The following SMG1 variants were observed in gnomAD, a reference collection of about 807,000 sequenced individuals.
SMG1 encodes the protein SMG1 nonsense mediated mRNA decay associated PI3K related kinase.
In SMG1, 22 loss-of-function variants were observed where a neutral mutation model predicts 419.9. That is an observed-to-expected ratio of 0.05 (90% confidence interval 0.04 to 0.07). The LOEUF (loss-of-function observed/expected upper bound fraction) is 0.07, where lower values mean the gene tolerates loss of function less well. Among genes scored for constraint, SMG1 ranks in the 10% least tolerant of loss-of-function variants. SMG1 has a pLI of 1.00. For synonymous variants in SMG1, 1,538 were observed against 1,553.5 expected (o/e 0.99, Z 0.23); for missense variants, 3,185 against 4,342.0 (o/e 0.73, Z 7.49).
intron 49 of SMG1, 76 bp downstream of exon 49, chr16:18,834,816 A>G (rs1486063414): frequency 1.4e-6 from 2 of 1,475,350 alleles, no homozygotes. Context: ...AGACTAAGGA[A>G]AGTAAAAGAA....
chr16:18,837,443 C>T lies in SMG1; in HGVS notation c.7414G>A (p.Val2472Met). The change falls in exon 46 of 63, where the codon GTG becomes ATG. Residue 2472 changes from valine (V) to methionine (M), a missense_variant and splice_region_variant. Coordinates refer to ENST00000446231, the MANE Select transcript of SMG1 (RefSeq NM_015092.5). ...LFSSRVAEIKVNWFKNRDEML... is the reference protein window; with the variant it reads ...LFSSRVAEIKMNWFKNRDEML... ...TCATCTCTATTCTTAAACCAGTTCACCTGTAAAAAGATATTACGATTAAGA... is the reference window on the plus strand; with the variant it reads ...TCATCTCTATTCTTAAACCAGTTCATCTGTAAAAAGATATTACGATTAAGA... 6.2e-7 allele frequency: 1 copy of T among 1,610,158 alleles called. No individual in the cohort carries two copies. Among genetic ancestry groups the T allele is most frequent in the Non-Finnish European group, 8.5e-7 (1 of 1,178,084 alleles).
At chr16:18,876,647 A>C (rs1423632084) in intron 12 of SMG1, among the ~76,000 whole-genome samples, 1 of 137,448 alleles carries the variant, frequency 7.3e-6, no homozygotes, top group Non-Finnish European at 1.5e-5. Context: ...TGTCAATATG[A>C]AATTTCCGAA....
chr16:18,837,397 T>C lies in SMG1; in HGVS notation c.7460A>G (p.Lys2487Arg), dbSNP rs368796708. Residue 2487 changes from lysine (K) to arginine (R), a missense_variant, in exon 46 of 63, where the codon AAG (lysine) becomes AGG (arginine). Lys to Arg is a conservative substitution (Grantham distance 26, BLOSUM62 2). Transcript: ENST00000446231. ...GTATTCATCTAAGCTACCGTCCAAC[T>C]TGGGAAGCACAACCAGCATCTCATC... The part of the protein sequence containing the change: ...NRDEMLVVLP[K>R]LDGSLDEYLS... 2 of 1,613,852 alleles carry C rather than the reference T, an allele frequency of 1.2e-6. No homozygotes were observed. Among genetic ancestry groups the C allele is most frequent in the African/African-American group, 2.7e-5 (2 of 74,926 alleles).
Position 18,849,515 on chromosome 16 carries a change from G to C in SMG1, c.5462-137C>G, listed in dbSNP as rs572616103. ...ATTTTAAGAGTTCAAATTTCTCCCTGTGATAATAAAGAACCATACACAATA... is the reference window on the plus strand; with the variant it reads ...ATTTTAAGAGTTCAAATTTCTCCCTCTGATAATAAAGAACCATACACAATA... On this transcript the variant is annotated intron_variant, in intron 35 of 62. Transcript: ENST00000446231. The C allele has an allele frequency of 3.6e-6, 3 of 840,192 alleles. No homozygotes were observed. In the South Asian group the frequency reaches 5.8e-5, roughly 16 times the overall value. The allele number at this position is 840,192 out of a possible 1,614,324, so 52.0% of individuals were successfully genotyped here.
chr16:18,899,680 C>G (rs1311863233), intron 1 of SMG1, among the ~76,000 whole-genome samples: 3 of 151,924 alleles, frequency 2.0e-5, no homozygotes, highest in Non-Finnish European at 4.4e-5. Flanking sequence ...GCAATCAAAG[C>G]CACAAAATAG....
chr16:18,865,764 C>T (rs2035467095), intron 23 of SMG1, among the ~76,000 whole-genome samples: 1 of 151,576 alleles, frequency 6.6e-6, no homozygotes, highest in South Asian at 2.1e-4. Flanking sequence ...CCAGGTTCAA[C>T]CAATTCTCCT....
In SMG1 at chr16:18,896,920, T is replaced by A; in HGVS notation, c.129A>T (p.Lys43Asn). The A allele has an allele frequency of 6.3e-7, 1 of 1,592,180 alleles. No homozygotes were observed. Among genetic ancestry groups the A allele is most frequent in the Non-Finnish European group, 8.6e-7 (1 of 1,168,218 alleles). ...CACCTCTATCTCTGGATGAAGAATA[T>A]TTTAAATTATCTGGGTCGGCTGATG... The part of the protein sequence containing the change: ...DSASADPDNL[K>N]YSSSRDRGGS... Residue 43 changes from lysine (K) to asparagine (N), a missense_variant, in exon 2 of 63, where the codon AAA becomes AAT. Lys to Asn is a moderately conservative substitution (Grantham distance 94). Coordinates refer to ENST00000446231, the MANE Select transcript of SMG1 (RefSeq NM_015092.5).
rs2031057574 is a variant in SMG1 at position 18,808,471 on chromosome 16, T to C, written c.*1098A>G. 1 of 152,176 alleles carries C rather than the reference T, an allele frequency of 6.6e-6. No homozygotes were observed. Among genetic ancestry groups the C allele is most frequent in the Non-Finnish European group, 1.5e-5 (1 of 68,032 alleles). 9.4% of individuals were successfully genotyped at this position (152,176 alleles called of 1,614,324 possible). A position where few individuals can be genotyped will look rare whatever the true frequency, so the allele number is the denominator to read the frequency against. ...ACATCACTTTATTGTTAATCTATCA[T>C]CAACAATGTAAAACTCTAATAGATA... is the stretch of plus-strand genomic sequence containing the variant. On this transcript the variant is annotated 3_prime_UTR_variant, in exon 63 of 63. Coordinates refer to ENST00000446231, the MANE Select transcript of SMG1 (RefSeq NM_015092.5).
Position 18,816,373 on chromosome 16 carries a change from T to C in SMG1, c.10231A>G (p.Ile3411Val), listed in dbSNP as rs374352490. 37 of 1,614,002 alleles carry C rather than the reference T, an allele frequency of 2.3e-5. No individual in the cohort carries two copies. Among genetic ancestry groups the C allele is most frequent in the Non-Finnish European group, 3.1e-5 (36 of 1,179,874 alleles). Residue 3411 changes from isoleucine to valine, a missense_variant, in exon 58 of 63, where the codon ATA becomes GTA. Transcript: ENST00000446231. ...TTATGACCAGTGAGCACAGTCTTTA[T>C]ATTATCAACCAGATTCTGAATTGTT... is the stretch of plus-strand genomic sequence containing the variant. ...CETIQNLVDN[I>V]KTVLTGHNRQ...
chr16:18,866,459 A>G (rs569087378), intron 23 of SMG1, 162 bp downstream of exon 23: 60 of 699,722 alleles, frequency 8.6e-5, no homozygotes, highest in South Asian at 4.2e-4. Flanking sequence ...GCTGCTAACT[A>G]AAGAACAAAC....
Position 18,815,750 on chromosome 16 carries a change from T to C in SMG1, c.10303-99A>G, listed in dbSNP as rs755607123. 2.0e-4 allele frequency: 202 copies of C among 1,014,398 alleles called. 1 individual carries two copies. The highest frequency in any genetic ancestry group is 3.0e-4 in the Middle Eastern group (1 of 3,324). 62.8% of individuals were successfully genotyped at this position (1,014,398 alleles called of 1,614,324 possible). A position where few individuals can be genotyped will look rare whatever the true frequency, so the allele number is the denominator to read the frequency against. On this transcript the variant is annotated intron_variant, in intron 58 of 62. Coordinates refer to ENST00000446231, the MANE Select transcript of SMG1 (RefSeq NM_015092.5). ...GATTAAGTAACAAATGTTTCAAATA[T>C]GAGTGTGTTTAAACTGCTTAGTTCA...
At chr16:18,836,661 A>G in intron 46 of SMG1, 129 bp from the exon 47 acceptor site, 1 of 882,058 alleles carries the variant, frequency 1.1e-6, no homozygotes, top group Non-Finnish European at 1.7e-6. Flanking sequence ...GGCCCTCCTC[A>G]AATGTCCCTT....
intron 3 of SMG1, among the ~76,000 whole-genome samples, chr16:18,893,814 T>C (rs947345502): frequency 4.6e-5 from 7 of 152,080 alleles, no homozygotes; most frequent in Admixed American, 2.0e-4. Context: ...TCCCAGCACT[T>C]TGGGAGGCCG....
intron 33 of SMG1, among the ~76,000 whole-genome samples, chr16:18,850,706 G>T (rs974513193): frequency 6.6e-6 from 1 of 152,090 alleles, no homozygotes; most frequent in African/African-American, 2.4e-5. Context: ...CTGGGGTTTC[G>T]TTGTACTTTA....
At chr16:18,859,204 A>G in intron 27 of SMG1, 23 bp from the exon 28 acceptor site, 1 of 1,513,092 alleles carries the variant, frequency 6.6e-7, no homozygotes, top group East Asian at 2.4e-5. Flanking sequence ...ATTTACTGCC[A>G]ATTAATAAAA....
At chr16:18,884,960 T>G in intron 8 of SMG1, 130 bp downstream of exon 8, 5 of 645,610 alleles carry the variant, frequency 7.7e-6, no homozygotes, top group Non-Finnish European at 8.2e-6. Flanking sequence ...TAATGTTCAT[T>G]TACAATAAAA....
chr16:18,850,316 T>G lies in SMG1; in HGVS notation c.5204A>C (p.Lys1735Thr). 6.2e-7 allele frequency: 1 copy of G among 1,613,940 alleles called. No individual in the cohort carries two copies. Among genetic ancestry groups the G allele is most frequent in the East Asian group, 2.2e-5 (1 of 44,868 alleles). ...ATEGVIKVWR[K>T]VVDRIFSLYK... ...CAGGCTGAATATTCTATCTACAACTTTCCTCCACACTTTAATAACTCCTTC... is the reference window on the plus strand; with the variant it reads ...CAGGCTGAATATTCTATCTACAACTGTCCTCCACACTTTAATAACTCCTTC... Residue 1735 changes from lysine to threonine, a missense_variant, in exon 34 of 63, where the codon AAA becomes ACA. Transcript: ENST00000446231.
Position 18,914,969 on chromosome 16 carries a change from G to GT in SMG1, c.92+10980dup, listed in dbSNP as rs1001470033. Among the ~76,000 whole-genome samples the GT allele has an allele frequency of 1.1e-3, 163 of 145,584 alleles. 1 individual carries two copies. Among genetic ancestry groups the GT allele is most frequent in the African/African-American group, 4.9e-4 (19 of 39,018 alleles). On this transcript the variant is annotated intron_variant, in intron 1 of 62. Transcript: ENST00000446231. ...TTTTTTTTTTTTTTTCTGAGACGGA[G>GT]TTTTTTTTCCTCTTGTTGCCCAGGC...
chr16:18,915,803 T>C (rs990144692), intron 1 of SMG1, among the ~76,000 whole-genome samples: 2 of 151,394 alleles, frequency 1.3e-5, no homozygotes, highest in African/African-American at 4.8e-5. Context: ...GCGTGGTGGC[T>C]CACGCCTGTA....
Sources: gnomAD v4.1 joint callset for allele counts (sites outside exome capture counted in the v4.1 genomes callset) on GRCh38, gnomAD v4.1.1 for gene constraint, MANE v1.5 for transcripts, NCBI Gene and HGNC (gene_info 2026-07-23, HGNC 2026-07-21) for gene names.